Variants in PTPRD observed in about 807,000 individuals in gnomAD.
PTPRD encodes the protein receptor-type tyrosine-protein phosphatase delta.
Under a neutral mutation model 214.5 loss-of-function variants are expected in PTPRD, and 34 were observed. That is an observed-to-expected ratio of 0.16 (90% confidence interval 0.12 to 0.21). The LOEUF is 0.21. Ranked by LOEUF, PTPRD falls within the 10% of genes least tolerant of loss-of-function variation. The pLI is 1.00. For missense variants in PTPRD, 2,545 were observed against 2,398.7 expected (o/e 1.06, Z -1.27); for synonymous variants, 1,128 against 845.7 (o/e 1.33, Z -5.79).
At chr9:9,576,465 T>C (rs777550565) in intron 7 of PTPRD, among the ~76,000 whole-genome samples, 1 of 151,048 alleles carries the variant, frequency 6.6e-6, no homozygotes, top group Non-Finnish European at 1.5e-5. Context: ...ATAGAGATGA[T>C]TTCAGGAGAT....
At chr9:9,897,685 G>C (rs1316647697) in intron 5 of PTPRD, among the ~76,000 whole-genome samples, 1 of 151,734 alleles carries the variant, frequency 6.6e-6, no homozygotes, top group African/African-American at 2.4e-5. Flanking sequence ...CTATTGATTA[G>C]GATTTTACTC....
In PTPRD at chr9:10,122,983, A is replaced by G. The variant is rs141979390; in HGVS notation, c.-544-89193T>C. On this transcript the variant is annotated intron_variant, in intron 3 of 45. Coordinates refer to ENST00000381196, the MANE Select transcript of PTPRD (RefSeq NM_002839.4). ...TTAAGCGGCCCGCTTGTTAACAACT[A>G]TGCTTGCCTGAGTTACACATCTGCT... Among the ~76,000 whole-genome samples the G allele has an allele frequency of 4.2e-3, 645 of 152,368 alleles. 1 individual carries two copies. Among genetic ancestry groups the G allele is most frequent in the Non-Finnish European group, 7.2e-3 (487 of 68,030 alleles).
At chr9:9,079,487 G>A (rs532507320) in intron 10 of PTPRD, among the ~76,000 whole-genome samples, 1 of 152,094 alleles carries the variant, frequency 6.6e-6, no homozygotes, top group South Asian at 2.1e-4. Context: ...ATGTCTCTTC[G>A]ATCTTCTTTG....
At chr9:10,054,651 G>C (rs2097589218) in intron 3 of PTPRD, among the ~76,000 whole-genome samples, 1 of 152,120 alleles carries the variant, frequency 6.6e-6, no homozygotes, top group African/African-American at 2.4e-5. Flanking sequence ...GTTTCACTGG[G>C]AGAGTAGGAG....
At chr9:9,465,587 C>T (rs2094077477) in intron 8 of PTPRD, among the ~76,000 whole-genome samples, 1 of 152,194 alleles carries the variant, frequency 6.6e-6, no homozygotes, top group Non-Finnish European at 1.5e-5. Flanking sequence ...CTCTACAGGA[C>T]AGTTTAGAGT....
At chr9:9,559,759 T>G (rs565844280) in intron 8 of PTPRD, among the ~76,000 whole-genome samples, 112 of 152,288 alleles carry the variant, frequency 7.4e-4, no homozygotes, top group African/African-American at 2.6e-3. Flanking sequence ...TGTCAAGTGG[T>G]CCAGCAAGTC....
intron 9 of PTPRD, among the ~76,000 whole-genome samples, chr9:9,208,163 C>T (rs1222271005): frequency 2.6e-5 from 4 of 151,170 alleles, no homozygotes; most frequent in African/African-American, 4.9e-5. Context: ...TACGGGCACC[C>T]GCCACCACGC....
chr9:9,923,331 A>G (rs1251996318), intron 5 of PTPRD, among the ~76,000 whole-genome samples: 2 of 151,852 alleles, frequency 1.3e-5, no homozygotes, highest in Non-Finnish European at 1.5e-5. Context: ...GTTAAAAGAA[A>G]GACACAAAGA....
chr9:10,600,747 A>T (rs182142852), intron 2 of PTPRD, among the ~76,000 whole-genome samples: 20 of 151,930 alleles, frequency 1.3e-4, no homozygotes, highest in African/African-American at 4.1e-4. Flanking sequence ...AAATCCACAA[A>T]AACAGAGGTC....
At chr9:9,828,324 A>G (rs1016486146) in intron 5 of PTPRD, among the ~76,000 whole-genome samples, 3 of 152,198 alleles carry the variant, frequency 2.0e-5, no homozygotes, top group African/African-American at 7.2e-5. Flanking sequence ...CTATGCAGCC[A>G]TAAAAAAGGA....
chr9:9,425,467 TTA>T (rs201363197), intron 8 of PTPRD, among the ~76,000 whole-genome samples: 1 of 146,594 alleles, frequency 6.8e-6, no homozygotes, highest in African/African-American at 2.5e-5. Context: ...AAATATATAA[TTA>T]TATATATATG....
intron 5 of PTPRD, among the ~76,000 whole-genome samples, chr9:9,933,145 G>T (rs1336460594): frequency 1.3e-5 from 2 of 152,188 alleles, no homozygotes; most frequent in African/African-American, 4.8e-5. Context: ...AAAGACCATC[G>T]AGACTAGGAA....
chr9:9,882,683 A>C (rs998842654), intron 5 of PTPRD, among the ~76,000 whole-genome samples: 2 of 152,110 alleles, frequency 1.3e-5, no homozygotes, highest in African/African-American at 4.8e-5. Context: ...AAATGTCTTT[A>C]TGTTCCTGTT....
chr9:9,086,995 T>C (rs1237473473), intron 10 of PTPRD, among the ~76,000 whole-genome samples: 2 of 152,138 alleles, frequency 1.3e-5, no homozygotes, highest in Non-Finnish European at 2.9e-5. Context: ...TGAAGTGATA[T>C]ACAGAGTGAC....
At chr9:10,017,594 C>T (rs2096748037) in intron 4 of PTPRD, among the ~76,000 whole-genome samples, 1 of 152,016 alleles carries the variant, frequency 6.6e-6, no homozygotes, top group Non-Finnish European at 1.5e-5. Context: ...TTCATTTAGA[C>T]TGAATGGTGT....
chr9:9,462,721 A>C (rs2145976259), intron 8 of PTPRD, among the ~76,000 whole-genome samples: 1 of 152,198 alleles, frequency 6.6e-6, no homozygotes, highest in South Asian at 2.1e-4. Flanking sequence ...TTGTGACCCA[A>C]ATCACCTAAC....
intron 8 of PTPRD, among the ~76,000 whole-genome samples, chr9:9,476,061 T>C (rs1010833078): frequency 1.3e-5 from 2 of 152,124 alleles, no homozygotes; most frequent in East Asian, 1.9e-4. Context: ...TTTATGAATA[T>C]GAGAATTGAA....
chr9:10,598,787 C>G (rs924059975), intron 2 of PTPRD, among the ~76,000 whole-genome samples: 1 of 147,928 alleles, frequency 6.8e-6, no homozygotes, highest in African/African-American at 2.5e-5. Context: ...GAGTAGATAA[C>G]AAAATATCTG....
intron 9 of PTPRD, among the ~76,000 whole-genome samples, chr9:9,318,224 C>CAA (rs74895016): frequency 0.19 from 23,854 of 126,756 alleles, 2,114 homozygotes; most frequent in East Asian, 0.38. Context: ...AACAAAAAAC[C>CAA]AAAAAAAAAA....
Sources: gnomAD v4.1 joint callset for allele counts (sites outside exome capture counted in the v4.1 genomes callset) on GRCh38, gnomAD v4.1.1 for gene constraint, MANE v1.5 for transcripts, NCBI Gene and HGNC (gene_info 2026-07-23, HGNC 2026-07-21) for gene names.